The following GLT1D1 variants were observed in gnomAD, a reference collection of about 807,000 sequenced individuals.
GLT1D1 encodes the protein glycosyltransferase 1 domain-containing protein 1.
A neutral mutation model predicts 28.7 loss-of-function variants in GLT1D1; 21 were observed. That is an observed-to-expected ratio of 0.73 (90% CI 0.52 to 1.05). The LOEUF is 1.05. GLT1D1 is among the 50% of genes least tolerant of loss of function. GLT1D1 has a pLI of 0.00. For missense variants in GLT1D1, 343 were observed against 330.6 expected (o/e 1.04, Z -0.29); for synonymous variants, 147 against 124.8 (o/e 1.18, Z -1.19).
chr12:128,877,817 C>T (rs1328831235), intron 2 of GLT1D1, among the ~76,000 whole-genome samples: 1 of 152,220 alleles, frequency 6.6e-6, no homozygotes, highest in East Asian at 1.9e-4. Flanking sequence ...CATTCAAAAG[C>T]AGCTTAGCTG....
At chr12:128,916,620 G>A (rs1872136176) in intron 4 of GLT1D1, among the ~76,000 whole-genome samples, 1 of 152,086 alleles carries the variant, frequency 6.6e-6, no homozygotes, top group African/African-American at 2.4e-5. Flanking sequence ...ATTTTGTTCA[G>A]CACCTTTTTA....
intron 4 of GLT1D1, among the ~76,000 whole-genome samples, chr12:128,908,678 G>A (rs930245121): frequency 7.9e-5 from 12 of 151,892 alleles, no homozygotes; most frequent in Non-Finnish European, 1.5e-4. Flanking sequence ...GGCCGGGCGC[G>A]GTGGCTCACG....
At chr12:128,911,783 G>A (rs2135884419) in intron 4 of GLT1D1, among the ~76,000 whole-genome samples, 1 of 152,256 alleles carries the variant, frequency 6.6e-6, no homozygotes, top group Admixed American at 6.5e-5. Flanking sequence ...GCAAGGAATA[G>A]TAAGTTGATA....
At chr12:128,926,563 G>T (rs984098616) in intron 4 of GLT1D1, 109 bp downstream of exon 7, 6 of 620,180 alleles carry the variant, frequency 9.7e-6, no homozygotes, top group Non-Finnish European at 1.7e-5. Context: ...TTCTTTGCAC[G>T]TGAGCAGAAC....
chr12:128,907,602 G>A (rs963161834), intron 4 of GLT1D1, among the ~76,000 whole-genome samples: 29 of 152,172 alleles, frequency 1.9e-4, no homozygotes, highest in Non-Finnish European at 3.4e-4. Flanking sequence ...ACCGTGCCCC[G>A]CCACTAATCA....
Position 128,904,978 on chromosome 12 carries a change from A to T in GLT1D1, c.375+5691A>T, listed in dbSNP as rs1007852768. On this transcript the variant is annotated intron_variant, in intron 4 of 7. Transcript: ENST00000281703. ...GAGACTGGGTTTCACCATGTTGGCC[A>T]GGCTGGTCTCGAACTCCTGACCTCA... Among the ~76,000 whole-genome samples the T allele has an allele frequency of 3.9e-5, 6 of 152,146 alleles. No homozygotes were observed. The East Asian group carries it at 1.2e-3, about 29-fold the overall frequency.
chr12:128,970,406 G>T (rs917329808), intron 7 of GLT1D1, among the ~76,000 whole-genome samples: 1 of 152,152 alleles, frequency 6.6e-6, no homozygotes, highest in African/African-American at 2.4e-5. Context: ...CTGCACTCCC[G>T]GACCGAGGGG....
At chr12:128,890,161 G>T (rs1236643033) in intron 3 of GLT1D1, among the ~76,000 whole-genome samples, 4 of 152,158 alleles carry the variant, frequency 2.6e-5, no homozygotes, top group African/African-American at 9.7e-5. Flanking sequence ...TAACCCTGTA[G>T]GGAAAGTAAC....
intron 1 of GLT1D1, among the ~76,000 whole-genome samples, chr12:128,863,829 C>G (rs1360503153): frequency 6.6e-6 from 1 of 151,636 alleles, no homozygotes; most frequent in African/African-American, 2.4e-5. Flanking sequence ...ACCTGCAATC[C>G]CAGCTACTCG....
intron 4 of GLT1D1, chr12:128,907,066 T>C (rs1368552623): frequency 1.5e-6 from 1 of 665,364 alleles, no homozygotes; most frequent in African/African-American, 1.8e-5. Context: ...GAGCTACTTA[T>C]TACTTCTCCC....
chr12:128,866,215 C>T (rs2135772316), intron 1 of GLT1D1, among the ~76,000 whole-genome samples: 1 of 146,854 alleles, frequency 6.8e-6, no homozygotes, highest in African/African-American at 2.7e-5. Context: ...ACTACAGGTG[C>T]CTGCCACCAT....
intron 4 of GLT1D1, among the ~76,000 whole-genome samples, chr12:128,912,765 C>T (rs564522084): frequency 8.6e-4 from 130 of 151,908 alleles, no homozygotes; most frequent in African/African-American, 2.7e-3. Flanking sequence ...TGGGTTAAAG[C>T]GTTTCTCTAG....
chr12:128,874,086 TTCTTTCTTTCTTTC>T (rs1409787402), intron 1 of GLT1D1, among the ~76,000 whole-genome samples: 20 of 17,878 alleles, frequency 1.1e-3, no homozygotes, highest in East Asian at 2.9e-3. Flanking sequence ...CTTTCTTTCT[TTCTTTCTTTCTTTC>T]TCTCTCTCTC....
intron 4 of GLT1D1, among the ~76,000 whole-genome samples, chr12:128,941,524 T>C (rs1022888549): frequency 6.6e-6 from 1 of 151,986 alleles, no homozygotes; most frequent in African/African-American, 2.4e-5. Context: ...AGAGTCTATA[T>C]GTATTCTTTG....
Position 128,983,253 on chromosome 12 carries a change from C to A in GLT1D1, c.*163C>A. On this transcript the variant is annotated 3_prime_UTR_variant, in exon 8 of 8. Transcript: ENST00000281703. The surrounding 1 kb of genome is among the most constrained non-coding windows in gnomAD (Gnocchi z 4.7). ...GAGTCCCCAGAGCCACTGCATTCAT[C>A]CCATATCCTTCTGTGCGTTCAGATG... 1 of 626,148 alleles carries A rather than the reference C, an allele frequency of 1.6e-6. No homozygotes were observed. Among genetic ancestry groups the A allele is most frequent in the Non-Finnish European group, 2.8e-6 (1 of 359,516 alleles). The allele number at this position is 626,148 out of a possible 1,614,324, so 38.8% of individuals were successfully genotyped here.
At chr12:128,978,478 G>A (rs1202725892) in intron 7 of GLT1D1, among the ~76,000 whole-genome samples, 2 of 152,172 alleles carry the variant, frequency 1.3e-5, no homozygotes, top group Non-Finnish European at 2.9e-5. Context: ...AGTGGATCCG[G>A]GCTCCCCATG....
intron 6 of GLT1D1, among the ~76,000 whole-genome samples, chr12:128,955,962 G>C (rs1877229063): frequency 6.6e-6 from 1 of 151,506 alleles, no homozygotes; most frequent in South Asian, 2.1e-4. Context: ...AAAATACTGT[G>C]AGTTGGCTAA....
chr12:128,938,398 A>G (rs1874780285), intron 4 of GLT1D1, among the ~76,000 whole-genome samples: 1 of 152,208 alleles, frequency 6.6e-6, no homozygotes, highest in Non-Finnish European at 1.5e-5. Context: ...TTTCTTATGC[A>G]TCCAAATTGG....
At chr12:128,919,971 C>T (rs1191339984) in intron 4 of GLT1D1, among the ~76,000 whole-genome samples, 2 of 5,828 alleles carry the variant, frequency 3.4e-4, no homozygotes, top group African/African-American at 6.8e-4. Context: ...CTCTCTCTCT[C>T]TCTCTCTCTC....
Sources: gnomAD v4.1 joint callset for allele counts (sites outside exome capture counted in the v4.1 genomes callset) on GRCh38, gnomAD v4.1.1 for gene constraint, Gnocchi (gnomAD v3.1) non-coding constraint, MANE v1.5 for transcripts, NCBI Gene and HGNC (gene_info 2026-07-23, HGNC 2026-07-21) for gene names.